TUBB6: variants seen among roughly 807,000 people sequenced by gnomAD.
TUBB6 encodes the protein tubulin beta-6 chain.
A neutral mutation model predicts 32.3 loss-of-function variants in TUBB6; 18 were observed. That is an observed-to-expected ratio of 0.56 (90% CI 0.39 to 0.83). TUBB6 has a LOEUF of 0.83. Ranked by LOEUF, TUBB6 falls within the 40% of genes least tolerant of loss-of-function variation. The pLI, the probability that TUBB6 is intolerant of heterozygous loss-of-function variation, is 0.00. For missense variants in TUBB6, 480 were observed against 632.0 expected (o/e 0.76, Z 2.58); for synonymous variants, 280 against 265.8 (o/e 1.05, Z -0.52).
chr18:12,328,940 T>C, downstream of TUBB6: 1 of 528,430 alleles, frequency 1.9e-6, no homozygotes, highest in Non-Finnish European at 3.4e-6. Flanking sequence ...ATAGGGACCC[T>C]ATGTGTGTTC....
chr18:12,324,444 A>ATT (rs763542139), intron 3 of TUBB6, among the ~76,000 whole-genome samples: 6 of 38,898 alleles, frequency 1.5e-4, no homozygotes, highest in Non-Finnish European at 4.0e-4. Context: ...AAAGGAGAGA[A>ATT]CTTTTTTTTT....
At position 12,326,221 on chromosome 18, in the gene TUBB6, A is replaced by T; in HGVS notation, c.*91A>T. ...CCTACCCTATGGCCCTGAATGGTGC[A>T]CTGGTTTAATTGTGTTGGTGTCGGC... On this transcript the variant is annotated 3_prime_UTR_variant, in exon 4 of 4. Transcript: ENST00000317702. The T allele has an allele frequency of 6.7e-7, 1 of 1,485,340 alleles. No individual in the cohort carries two copies. The highest frequency in any genetic ancestry group is 1.4e-5 in the African/African-American group (1 of 71,344). 92.0% of individuals were successfully genotyped at this position (1,485,340 alleles called of 1,614,324 possible).
Position 12,323,755 on chromosome 18 carries a change from C to T in TUBB6, c.278-1312C>T, listed in dbSNP as rs1050871007. ...CCCGGGAGGCGGAGCTTGCAGTGAG[C>T]CGAGATCGCACCACTGCACCTCCAG... On this transcript the variant is annotated intron_variant, in intron 3 of 3. Transcript: ENST00000317702. Among the ~76,000 whole-genome samples, 8 of 152,000 alleles carry T rather than the reference C, an allele frequency of 5.3e-5. No homozygotes were observed. In the East Asian group the frequency reaches 7.7e-4, roughly 15 times the overall value.
chr18:12,319,371 C>G (rs1204967647), intron 3 of TUBB6, among the ~76,000 whole-genome samples: 1 of 152,024 alleles, frequency 6.6e-6, no homozygotes, highest in Non-Finnish European at 1.5e-5. Context: ...TCTCGAACTC[C>G]TGACCTCAGG....
intron 3 of TUBB6, 113 bp downstream of exon 3, chr18:12,311,166 G>A (rs1906360274): frequency 1.3e-5 from 12 of 925,158 alleles, no homozygotes; most frequent in Non-Finnish European, 2.0e-5. Context: ...ATGGAAATCA[G>A]TGGTTCCCAG....
At chr18:12,320,264 T>C (rs879485677) in intron 3 of TUBB6, among the ~76,000 whole-genome samples, 37 of 52,298 alleles carry the variant, frequency 7.1e-4, no homozygotes, top group African/African-American at 1.3e-3. Flanking sequence ...TTTTATACTT[T>C]AATATTCACT....
chr18:12,314,282 A>G (rs1352576448), intron 3 of TUBB6, among the ~76,000 whole-genome samples: 2 of 152,060 alleles, frequency 1.3e-5, no homozygotes, highest in Non-Finnish European at 2.9e-5. Context: ...AGAATCTGCG[A>G]GAAGAAATGG....
chr18:12,308,604 C>CG (rs1395656586), intron 1 of TUBB6, 83 bp from the exon 2 acceptor site: 1 of 1,094,052 alleles, frequency 9.1e-7, no homozygotes, highest in Non-Finnish European at 1.4e-6. Context: ...ATTCGGCCGC[C>CG]GGGGCGCCTG....
At chr18:12,322,934 T>A (rs1907065189) in intron 3 of TUBB6, among the ~76,000 whole-genome samples, 2 of 152,208 alleles carry the variant, frequency 1.3e-5, no homozygotes, top group Admixed American at 6.5e-5. Flanking sequence ...GAAGAAGAGT[T>A]TTTTAAAGTG....
In TUBB6 at chr18:12,326,416, G is replaced by A. The variant is rs1907335397; in HGVS notation, c.*286G>A. 2.5e-6 allele frequency: 1 copy of A among 393,958 alleles called. No individual in the cohort carries two copies. The highest frequency in any genetic ancestry group is 4.5e-6 in the Non-Finnish European group (1 of 220,884). The allele number at this position is 393,958 out of a possible 1,614,324, so 24.4% of individuals were successfully genotyped here. A position where few individuals can be genotyped will look rare whatever the true frequency, so the allele number is the denominator to read the frequency against. ...AAATAAACTTCACCTTCCATTAAGTGTTCAAGCATGTCTGCAAATTAGGAG... is the reference window on the plus strand; with the variant it reads ...AAATAAACTTCACCTTCCATTAAGTATTCAAGCATGTCTGCAAATTAGGAG... On this transcript the variant is annotated 3_prime_UTR_variant, in exon 4 of 4. Transcript: ENST00000317702.
chr18:12,309,037 A>G (rs1319710265), intron 2 of TUBB6, among the ~76,000 whole-genome samples: 1 of 152,094 alleles, frequency 6.6e-6, no homozygotes, highest in Non-Finnish European at 1.5e-5. Context: ...TGTGAAATCA[A>G]CGTAGCGGTT....
rs1311253917 is a variant in TUBB6 at position 12,325,624 on chromosome 18, C to G, written c.835C>G (p.Gln279Glu). ...CGCGCCGCTCACCAGCCGCGGCAGC[C>G]AGCAGTACCGGGCCCTGACCGTGCC... ...GFAPLTSRGS[Q>E]QYRALTVPEL... The change falls in exon 4 of 4, where the codon CAG (glutamine) becomes GAG (glutamate). Residue 279 changes from glutamine to glutamate, a missense_variant. Gln to Glu is a conservative substitution (Grantham distance 29). Coordinates refer to ENST00000317702, the MANE Select transcript of TUBB6 (RefSeq NM_032525.3). 1 of 1,613,866 alleles carries G rather than the reference C, an allele frequency of 6.2e-7. No homozygotes were observed. The highest frequency in any genetic ancestry group is 8.5e-7 in the Non-Finnish European group (1 of 1,179,930).
intron 3 of TUBB6, among the ~76,000 whole-genome samples, chr18:12,322,760 T>C (rs1907055832): frequency 6.6e-6 from 1 of 152,180 alleles, no homozygotes; most frequent in Non-Finnish European, 1.5e-5. Context: ...CTGGCAGTAT[T>C]TAATATTCAC....
chr18:12,325,615 C>T lies in TUBB6; in HGVS notation c.826C>T (p.Arg276Cys), dbSNP rs1907257798. The change falls in exon 4 of 4, where the codon CGC becomes TGC. Residue 276 changes from arginine (R) to cysteine (C), a missense_variant. By Grantham distance (180) the Arg-to-Cys change is radical (BLOSUM62 -3). Transcript: ENST00000317702. The stretch of plus-strand genomic sequence containing the variant: ...GCCTGGCTTCGCGCCGCTCACCAGC[C>T]GCGGCAGCCAGCAGTACCGGGCCCT... ...FMPGFAPLTS[R>C]GSQQYRALTV... is the part of the protein sequence containing the mutation. 1.9e-6 allele frequency: 3 copies of T among 1,613,670 alleles called. No homozygotes were observed. The highest frequency in any genetic ancestry group is 8.5e-7 in the Non-Finnish European group (1 of 1,179,946).
downstream of TUBB6, among the ~76,000 whole-genome samples, chr18:12,328,173 G>A (rs1907398731): frequency 6.6e-6 from 1 of 152,248 alleles, no homozygotes; most frequent in Admixed American, 6.5e-5. Flanking sequence ...GGTATCTCAG[G>A]CTGCTGGGAA....
chr18:12,328,920 C>A, downstream of TUBB6: 1 of 443,040 alleles, frequency 2.3e-6, no homozygotes, highest in South Asian at 4.7e-5. Context: ...TAAAAATATC[C>A]AGAGCATAAA....
chr18:12,316,704 C>T (rs1159012917), intron 3 of TUBB6, among the ~76,000 whole-genome samples: 6 of 152,144 alleles, frequency 3.9e-5, no homozygotes, highest in African/African-American at 1.2e-4. Flanking sequence ...GTTTTTAAGT[C>T]GTTCTCCAGT....
intron 3 of TUBB6, among the ~76,000 whole-genome samples, chr18:12,320,092 AAAT>A (rs1446131768): frequency 6.6e-6 from 1 of 151,774 alleles, no homozygotes; most frequent in Admixed American, 6.6e-5. Context: ...CCAGCCAAAA[AAAT>A]GTTTTTTTAA....
chr18:12,325,022 G>C (rs62095700), intron 3 of TUBB6, 45 bp from the exon 4 acceptor site: 33,586 of 1,530,330 alleles, frequency 0.022, 458 homozygotes, highest in South Asian at 0.03. Flanking sequence ...TGGTGATGGC[G>C]CAGCCCTTTC....
Sources: allele counts gnomAD v4.1 joint callset (sites outside exome capture counted in the v4.1 genomes callset), GRCh38; gene constraint gnomAD v4.1.1; transcripts MANE v1.5; gene names NCBI Gene and HGNC (gene_info 2026-07-23, HGNC 2026-07-21).